CNTN5: variants seen among roughly 807,000 people sequenced by gnomAD.
CNTN5 encodes the protein contactin-5.
In CNTN5, 77 loss-of-function variants were observed where a neutral mutation model predicts 129.1. That is an observed-to-expected ratio of 0.60 (90% confidence interval 0.50 to 0.72). The LOEUF is 0.72. Among genes scored for constraint, CNTN5 ranks in the 30% least tolerant of loss-of-function variants. The pLI is 0.00. For missense variants in CNTN5, 1,478 were observed against 1,328.8 expected, an observed-to-expected ratio of 1.11 and a Z score of -1.75; for synonymous variants, 509 against 465.6, an observed-to-expected ratio of 1.09 and a Z score of -1.20.
chr11:100,145,617 T>C (rs80192809), intron 13 of CNTN5, among the ~76,000 whole-genome samples: 14,434 of 152,190 alleles, frequency 0.095, 864 homozygotes, highest in Non-Finnish European at 0.13. Flanking sequence ...TTTGCCATCA[T>C]TGTTTTTCTT....
intron 2 of CNTN5, among the ~76,000 whole-genome samples, chr11:99,472,036 T>C (rs905596891): frequency 7.2e-5 from 11 of 152,140 alleles, no homozygotes; most frequent in African/African-American, 2.7e-4. Flanking sequence ...AATAGTAGTA[T>C]ATAGGTAAGG....
rs557703880 is a variant in CNTN5 at position 100,079,798 on chromosome 11, A to G, written c.1580+5504A>G. Among the ~76,000 whole-genome samples the G allele has an allele frequency of 2.0e-5, 3 of 152,250 alleles. No individual in the cohort carries two copies. In the South Asian group the frequency reaches 6.2e-4, roughly 32 times the overall value. On this transcript the variant is annotated intron_variant, in intron 13 of 24. Transcript: ENST00000524871. ...AACTCCAGAAGTACTAGTAAGTAAA[A>G]TATTCCACAGGGATTTTCTCCTCTA... is the stretch of plus-strand genomic sequence containing the variant.
intron 2 of CNTN5, among the ~76,000 whole-genome samples, chr11:99,334,566 G>A (rs1261293633): frequency 1.3e-5 from 2 of 152,036 alleles, no homozygotes; most frequent in East Asian, 1.9e-4. Context: ...GTATTGGACT[G>A]AGCCACTTCC....
chr11:100,013,136 G>A (rs561289375), intron 9 of CNTN5, among the ~76,000 whole-genome samples: 26 of 152,034 alleles, frequency 1.7e-4, no homozygotes, highest in Non-Finnish European at 3.5e-4. Context: ...GCCAAATAAT[G>A]TGTACACATG....
intron 2 of CNTN5, among the ~76,000 whole-genome samples, chr11:99,487,321 A>G (rs568051762): frequency 1.3e-5 from 2 of 152,330 alleles, no homozygotes; most frequent in South Asian, 4.1e-4. Flanking sequence ...AACAAAGGAA[A>G]CTGATGAATT....
At chr11:100,259,306 G>C (rs1950146874) in intron 17 of CNTN5, among the ~76,000 whole-genome samples, 1 of 152,136 alleles carries the variant, frequency 6.6e-6, no homozygotes, top group Non-Finnish European at 1.5e-5. Context: ...CAAGTCCTTA[G>C]AGATCTACAA....
At chr11:99,841,614 A>C (rs1414227292) in intron 4 of CNTN5, among the ~76,000 whole-genome samples, 1 of 151,612 alleles carries the variant, frequency 6.6e-6, no homozygotes, top group Non-Finnish European at 1.5e-5. Flanking sequence ...CAGCAGAAGC[A>C]GCAGAAGCAG....
chr11:99,189,132 C>T (rs1858503156), intron 1 of CNTN5, among the ~76,000 whole-genome samples: 1 of 151,616 alleles, frequency 6.6e-6, no homozygotes, highest in African/African-American at 2.4e-5. Flanking sequence ...CAATGTCCTC[C>T]CAGTTCAACC....
chr11:99,064,131 G>A (rs1321319329), intron 1 of CNTN5, among the ~76,000 whole-genome samples: 1 of 152,080 alleles, frequency 6.6e-6, no homozygotes, highest in Non-Finnish European at 1.5e-5. Flanking sequence ...AATGAGTCAT[G>A]AGTCACCCCA....
intron 7 of CNTN5, among the ~76,000 whole-genome samples, chr11:99,948,213 C>G (rs1201856121): frequency 6.6e-6 from 1 of 152,142 alleles, no homozygotes; most frequent in Non-Finnish European, 1.5e-5. Flanking sequence ...ATTTGGACAA[C>G]TCTGTAAATC....
chr11:99,316,744 A>AG (rs1865356756), intron 1 of CNTN5, among the ~76,000 whole-genome samples: 1 of 151,778 alleles, frequency 6.6e-6, no homozygotes, highest in African/African-American at 2.4e-5. Context: ...AAAAAAAAAA[A>AG]GAAAAAGACC....
At chr11:99,435,114 T>G (rs1943549151) in intron 2 of CNTN5, among the ~76,000 whole-genome samples, 1 of 152,118 alleles carries the variant, frequency 6.6e-6, no homozygotes, top group Admixed American at 6.6e-5. Flanking sequence ...AAGTGTGAAA[T>G]AATGCTCCTG....
At position 99,566,239 on chromosome 11, in the gene CNTN5, T is replaced by C. The variant is rs561844139; in HGVS notation, c.55+9970T>C. 2.0e-5 allele frequency among the ~76,000 whole-genome samples: 3 copies of C among 152,258 alleles called. No individual in the cohort carries two copies. In the East Asian group the frequency reaches 5.8e-4, roughly 29 times the overall value. Reference sequence around the variant, plus strand: ...AAGAGTGTGGCACCTTCCCCCTCACTATTGCTTGCTCCTGCTCTCACCCTG... The same window carrying C: ...AAGAGTGTGGCACCTTCCCCCTCACCATTGCTTGCTCCTGCTCTCACCCTG... On this transcript the variant is annotated intron_variant, in intron 3 of 24. Transcript: ENST00000524871.
intron 6 of CNTN5, among the ~76,000 whole-genome samples, chr11:99,912,221 A>G (rs1290133305): frequency 6.6e-6 from 1 of 151,950 alleles, no homozygotes. Context: ...GGAAAAATCT[A>G]AAGTCTGTGT....
rs567917497 is a variant in CNTN5, at chr11:99,682,876, A to G, written c.55+126607A>G. Among the ~76,000 whole-genome samples, 54 of 152,092 alleles carry G rather than the reference A, an allele frequency of 3.6e-4. 2 individuals carry two copies. Among genetic ancestry groups the G allele is most frequent in the African/African-American group, 1.3e-3 (54 of 41,518 alleles). Reference sequence around the variant, plus strand: ...CATGTTGCTCATAGCCACAGTTCATAAGTTACATAAAACATTACTGATATC... The same window carrying G: ...CATGTTGCTCATAGCCACAGTTCATGAGTTACATAAAACATTACTGATATC... On this transcript the variant is annotated intron_variant, in intron 3 of 24. Coordinates refer to ENST00000524871, the MANE Select transcript of CNTN5 (RefSeq NM_014361.4).
At chr11:99,277,193 T>G (rs1269075942) in intron 1 of CNTN5, among the ~76,000 whole-genome samples, 1 of 151,566 alleles carries the variant, frequency 6.6e-6, no homozygotes, top group Non-Finnish European at 1.5e-5. Flanking sequence ...CCAGGAGAAG[T>G]TTCATTTTTT....
intron 6 of CNTN5, among the ~76,000 whole-genome samples, chr11:99,907,468 T>C (rs1222805396): frequency 6.6e-6 from 1 of 152,004 alleles, no homozygotes; most frequent in Non-Finnish European, 1.5e-5. Context: ...TGTTGTCCAG[T>C]TGCCTATTAT....
At chr11:99,882,605 T>G (rs1948800082) in intron 6 of CNTN5, among the ~76,000 whole-genome samples, 2 of 152,178 alleles carry the variant, frequency 1.3e-5, no homozygotes, top group Non-Finnish European at 2.9e-5. Context: ...TATGTGTTTA[T>G]GGGGTACATG....
intron 3 of CNTN5, among the ~76,000 whole-genome samples, chr11:99,771,425 A>T (rs975824819): frequency 7.9e-5 from 12 of 152,074 alleles, no homozygotes; most frequent in Non-Finnish European, 1.8e-4. Flanking sequence ...ACACATTTAC[A>T]TATATGTATA....
Sources: allele counts gnomAD v4.1 joint callset (sites outside exome capture counted in the v4.1 genomes callset), GRCh38; gene constraint gnomAD v4.1.1; transcripts MANE v1.5; gene names NCBI Gene and HGNC (gene_info 2026-07-23, HGNC 2026-07-21).